S100A16: variants seen among roughly 807,000 people sequenced by gnomAD.
S100A16 encodes the protein S100 calcium binding protein A16, also known as protein S100-A16.
S100A16 carries 8 observed loss-of-function variants against 9.0 expected under a neutral mutation model. That is an observed-to-expected ratio of 0.89 (90% CI 0.52 to 1.60). S100A16 has a LOEUF of 1.60. Ranked by LOEUF, S100A16 falls within the 40% of genes most tolerant of loss-of-function variation. The probability of loss-of-function intolerance (pLI) is 0.00; values close to 1 mark genes in which losing one functional copy is unlikely to be tolerated. For missense variants in S100A16, 138 were observed against 132.4 expected (o/e 1.04, Z -0.21); for synonymous variants, 51 against 51.4 (o/e 0.99, Z 0.04).
At chr1:153,607,946 T>C in intron 2 of S100A16, 53 bp downstream of exon 2, 1 of 1,575,198 alleles carries the variant, frequency 6.3e-7, no homozygotes, top group Non-Finnish European at 8.7e-7. Context: ...GCCAGAGGCT[T>C]GCAGGGGAGG....
chr1:153,607,558 C>T lies in S100A16; in HGVS notation c.288G>A (p.Glu96=). 1.9e-6 allele frequency: 3 copies of T among 1,614,208 alleles called. No individual in the cohort carries two copies. Among genetic ancestry groups the T allele is most frequent in the Non-Finnish European group, 2.5e-6 (3 of 1,180,014 alleles). Residue 96 remains glutamate, a synonymous_variant, in exon 3 of 3, where the codon GAG becomes GAA. Transcript: ENST00000368706. ...TCTAGCTGCTGCTCTGCTGCTCCTG[C>T]TCATGGATGAGTTTGGCGATGGGGC... The part of the protein sequence containing the change: ...ITGPIAKLIH[E]QEQQSSS
intron 1 of S100A16, 121 bp from the exon 2 acceptor site, chr1:153,608,298 A>C: frequency 3.8e-6 from 3 of 786,050 alleles, no homozygotes; most frequent in African/African-American, 3.5e-5. Flanking sequence ...CTGGAGAAGA[A>C]GGTGGCAGGA....
intron 1 of S100A16, among the ~76,000 whole-genome samples, chr1:153,610,398 C>G (rs1468360524): frequency 2.0e-5 from 3 of 152,208 alleles, no homozygotes; most frequent in African/African-American, 7.2e-5. Flanking sequence ...GCCACTCTCC[C>G]CACAAGCTAG....
At chr1:153,609,042 G>A (rs1666773349) in intron 1 of S100A16, 1 of 985,474 alleles carries the variant, frequency 1.0e-6, no homozygotes, top group Admixed American at 6.1e-5. Context: ...TGAATAACAG[G>A]ATATGAGGGG....
chr1:153,610,640 T>G (rs886459236), intron 1 of S100A16, among the ~76,000 whole-genome samples: 6 of 152,126 alleles, frequency 3.9e-5, no homozygotes, highest in Non-Finnish European at 8.8e-5. Context: ...CTCCCAGGAA[T>G]CCACCCGCTC....
In S100A16 at chr1:153,607,122, C is replaced by CTGT. The variant is rs1356686924; in HGVS notation, c.*409_*411dup. On this transcript the variant is annotated 3_prime_UTR_variant, in exon 3 of 3. Transcript: ENST00000368706. ...GCTGCTGCTGCTGCTGCTGCTGCTG[C>CTGT]TGTTGCTGCTACCACTGCCACCAAG... The CTGT allele has an allele frequency of 2.2e-6, 1 of 448,332 alleles. No individual in the cohort carries two copies. Among genetic ancestry groups the CTGT allele is most frequent in the Non-Finnish European group, 4.5e-6 (1 of 223,468 alleles). 27.8% of individuals were successfully genotyped at this position (448,332 alleles called of 1,614,324 possible). A position where few individuals can be genotyped will look rare whatever the true frequency, so the allele number is the denominator to read the frequency against.
intron 1 of S100A16, among the ~76,000 whole-genome samples, chr1:153,611,917 T>TCACACTCACA (rs1666844020): frequency 1.4e-5 from 2 of 140,792 alleles, no homozygotes; most frequent in African/African-American, 2.6e-5. Context: ...TGTCTCTCTC[T>TCACACTCACA]CACACACACA....
At chr1:153,607,792 C>T (rs1488866523) in intron 2 of S100A16, 100 bp from the exon 3 acceptor site, 2 of 1,463,152 alleles carry the variant, frequency 1.4e-6, no homozygotes, top group Non-Finnish European at 1.9e-6. Context: ...TGCACAGCTG[C>T]TTCCCTTGGG....
intron 1 of S100A16, among the ~76,000 whole-genome samples, 154 bp downstream of exon 1, chr1:153,612,798 G>T (rs1018737711): frequency 6.6e-6 from 1 of 152,102 alleles, no homozygotes; most frequent in Non-Finnish European, 1.5e-5. Context: ...AAACTGGCCT[G>T]TGGGAGAAAG....
intron 1 of S100A16, among the ~76,000 whole-genome samples, chr1:153,609,541 G>A (rs1442917498): frequency 6.6e-6 from 1 of 152,168 alleles, no homozygotes; most frequent in African/African-American, 2.4e-5. Context: ...TGTCTTTCTG[G>A]GTCCTGTCTT....
chr1:153,609,426 C>A, intron 1 of S100A16: 1 of 922,996 alleles, frequency 1.1e-6, no homozygotes, highest in African/African-American at 1.8e-5. Flanking sequence ...AGGAAGCCTG[C>A]CTTGACCCCT....
chr1:153,607,791 G>T, intron 2 of S100A16, 99 bp from the exon 3 acceptor site: 1 of 1,459,516 alleles, frequency 6.9e-7, no homozygotes, highest in Non-Finnish European at 9.5e-7. Context: ...CTGCACAGCT[G>T]CTTCCCTTGG....
intron 1 of S100A16, 32 bp from the exon 2 acceptor site, chr1:153,608,209 G>C (rs1666746052): frequency 6.3e-7 from 1 of 1,594,282 alleles, no homozygotes; most frequent in Non-Finnish European, 8.5e-7. Flanking sequence ...GATGAGAAGA[G>C]ACACCCACAG....
chr1:153,612,536 C>T (rs1444003583), intron 1 of S100A16, among the ~76,000 whole-genome samples: 1 of 152,108 alleles, frequency 6.6e-6, no homozygotes, highest in Non-Finnish European at 1.5e-5. Flanking sequence ...TGGACCCCAT[C>T]ACCTCCCCTA....
intron 1 of S100A16, chr1:153,609,014 T>C: frequency 2.0e-6 from 2 of 985,704 alleles, no homozygotes; most frequent in Non-Finnish European, 2.4e-6. Flanking sequence ...AGACACTTTC[T>C]AAGCGGATAC....
chr1:153,607,864 G>C, intron 2 of S100A16, 135 bp downstream of exon 2: 1 of 1,175,070 alleles, frequency 8.5e-7, no homozygotes. Flanking sequence ...AGGCCTGGGG[G>C]TGTAGAAGAC....
chr1:153,608,023 C>T lies in S100A16; in HGVS notation c.129G>A (p.Gln43=), dbSNP rs746497916. The change falls in exon 2 of 3, where the codon CAG becomes CAA. Residue 43 remains glutamine, a synonymous_variant. Coordinates refer to ENST00000368706, the MANE Select transcript of S100A16 (RefSeq NM_080388.3). Reference sequence around the variant, plus strand: ...CCGACAGCATGTGGTTCAGCTCTTTCTGGAGCATCTCGCGGAAGCTGCTCT... The same window carrying T: ...CCGACAGCATGTGGTTCAGCTCTTTTTGGAGCATCTCGCGGAAGCTGCTCT... ...ISKSSFREML[Q]KELNHMLSDT... is the part of the protein sequence containing the mutation. The T allele has an allele frequency of 1.2e-6, 2 of 1,614,056 alleles. No individual in the cohort carries two copies. The highest frequency in any genetic ancestry group is 8.5e-7 in the Non-Finnish European group (1 of 1,179,962).
At chr1:153,608,979 C>G (rs558104387) in intron 1 of S100A16, 942 of 985,762 alleles carry the variant, frequency 9.6e-4, no homozygotes, top group Non-Finnish European at 1.1e-3. Flanking sequence ...AGGGCACATG[C>G]GTCACCCTCT....
At chr1:153,611,501 A>G (rs1666834502) in intron 1 of S100A16, among the ~76,000 whole-genome samples, 1 of 151,800 alleles carries the variant, frequency 6.6e-6, no homozygotes, top group African/African-American at 2.4e-5. Context: ...TGTCCCTTCC[A>G]TCTACCTGGA....
Sources: allele counts gnomAD v4.1 joint callset (sites outside exome capture counted in the v4.1 genomes callset), GRCh38; gene constraint gnomAD v4.1.1; transcripts MANE v1.5; gene names NCBI Gene and HGNC (gene_info 2026-07-23, HGNC 2026-07-21).